The following TFEC variants were observed in gnomAD, a reference collection of about 807,000 sequenced individuals.
TFEC encodes class E basic helix-loop-helix protein 34.
Under a neutral mutation model 41.6 loss-of-function variants are expected in TFEC, and 31 were observed. The observed-to-expected ratio is 0.74, with a 90% CI of 0.56 to 1.01. The LOEUF (loss-of-function observed/expected upper bound fraction) is 1.01. Among genes scored for constraint, TFEC ranks in the 50% least tolerant of loss-of-function variants. The probability of loss-of-function intolerance (pLI) is 0.00; values close to 1 mark genes in which losing one functional copy is unlikely to be tolerated. For synonymous variants in TFEC, 143 were observed against 140.6 expected (o/e 1.02, Z -0.12); for missense variants, 402 against 404.1 (o/e 0.99, Z 0.04).
chr7:115,984,645 A>G, intron 1 of TFEC, 132 bp from the exon 2 acceptor site: 3 of 1,081,804 alleles, frequency 2.8e-6, no homozygotes, highest in Non-Finnish European at 3.8e-6. Flanking sequence ...TCTATCGTCC[A>G]TACTTCTGTC....
intron 1 of TFEC, among the ~76,000 whole-genome samples, chr7:116,142,204 T>G (rs1798554791): frequency 6.6e-6 from 1 of 152,152 alleles, no homozygotes; most frequent in South Asian, 2.1e-4. Context: ...CCCAAGGGGT[T>G]CTCCATTTTC....
intron 3 of TFEC, among the ~76,000 whole-genome samples, chr7:116,089,870 T>A (rs1233098742): frequency 1.3e-5 from 2 of 152,140 alleles, no homozygotes; most frequent in Non-Finnish European, 2.9e-5. Context: ...CAACTTTTTT[T>A]CTCTGTCCAT....
chr7:115,995,527 G>A (rs1182440943), intron 1 of TFEC, among the ~76,000 whole-genome samples: 1 of 152,102 alleles, frequency 6.6e-6, no homozygotes, highest in Non-Finnish European at 1.5e-5. Context: ...CAGAGGAGAT[G>A]GGGAAGATGG....
At chr7:116,151,530 A>T (rs1314944275) in intron 1 of TFEC, among the ~76,000 whole-genome samples, 14 of 152,152 alleles carry the variant, frequency 9.2e-5, no homozygotes, top group Admixed American at 9.2e-4. Context: ...GGCATGAGCC[A>T]CTGTGCCCAG....
chr7:115,935,195 T>C lies in TFEC; in HGVS notation c.*5356A>G, dbSNP rs1471085999. 6.6e-6 allele frequency: 1 copy of C among 151,866 alleles called. No individual in the cohort carries two copies. The highest frequency in any genetic ancestry group is 2.4e-5 in the African/African-American group (1 of 41,408). The allele number at this position is 151,866 out of a possible 1,614,324, so 9.4% of individuals were successfully genotyped here. On this transcript the variant is annotated 3_prime_UTR_variant, in exon 8 of 8. Coordinates refer to ENST00000265440, the MANE Select transcript of TFEC (RefSeq NM_012252.4). ...TCATTTAATATATGCAAAGAAAATA[T>C]TGGTACATTTTAAGGTATTTTTACA...
chr7:116,007,345 ACT>A (rs1477173350), intron 1 of TFEC, among the ~76,000 whole-genome samples: 1 of 152,140 alleles, frequency 6.6e-6, no homozygotes, highest in African/African-American at 2.4e-5. Context: ...AGAGGGTTCA[ACT>A]CTACAAATCA....
intron 1 of TFEC, among the ~76,000 whole-genome samples, chr7:116,138,122 T>G (rs1562983414): frequency 6.6e-6 from 1 of 152,132 alleles, no homozygotes; most frequent in Non-Finnish European, 1.5e-5. Context: ...TAATGAGATA[T>G]TTTCCATCAT....
At chr7:115,968,442 C>A (rs1272516291) in intron 3 of TFEC, 3 of 615,792 alleles carry the variant, frequency 4.9e-6, no homozygotes, top group Admixed American at 7.1e-5. Flanking sequence ...AATATTTACT[C>A]ATTCCTCGTC....
At chr7:116,019,886 A>C (rs898840691) in intron 1 of TFEC, among the ~76,000 whole-genome samples, 1 of 152,216 alleles carries the variant, frequency 6.6e-6, no homozygotes, top group African/African-American at 2.4e-5. Context: ...TTGTGTGCTA[A>C]CTTCAATAAC....
At chr7:116,114,521 A>T (rs891418983) in intron 1 of TFEC, among the ~76,000 whole-genome samples, 2 of 152,048 alleles carry the variant, frequency 1.3e-5, no homozygotes, top group African/African-American at 4.8e-5. Context: ...TCCTCTGTAC[A>T]TTTGAGAGAT....
At chr7:116,050,624 A>G (rs1224094957) in intron 3 of TFEC, among the ~76,000 whole-genome samples, 2 of 152,312 alleles carry the variant, frequency 1.3e-5, no homozygotes, top group Non-Finnish European at 2.9e-5. Context: ...GTAGAATGGC[A>G]ATCATTAAAA....
intron 1 of TFEC, among the ~76,000 whole-genome samples, chr7:116,122,154 G>T (rs755970146): frequency 3.9e-5 from 6 of 151,998 alleles, no homozygotes; most frequent in Non-Finnish European, 5.9e-5. Flanking sequence ...CATTAAAAAA[G>T]TGTTTGGATA....
At chr7:115,983,651 T>C (rs999894999) in intron 2 of TFEC, among the ~76,000 whole-genome samples, 2 of 152,192 alleles carry the variant, frequency 1.3e-5, no homozygotes, top group African/African-American at 4.8e-5. Context: ...TGAAGGTTCA[T>C]TACAAGCAAG....
At chr7:115,976,945 T>C (rs1793409865) in intron 2 of TFEC, among the ~76,000 whole-genome samples, 1 of 152,190 alleles carries the variant, frequency 6.6e-6, no homozygotes, top group South Asian at 2.1e-4. Flanking sequence ...AAACTTTTCT[T>C]TGTTACATGA....
chr7:116,025,499 C>G (rs1192720897), intron 1 of TFEC, among the ~76,000 whole-genome samples: 2 of 152,160 alleles, frequency 1.3e-5, no homozygotes, highest in Non-Finnish European at 1.5e-5. Context: ...GATTTAAGCA[C>G]CACCAGACAC....
intron 3 of TFEC, chr7:116,110,689 T>C (rs769644571): frequency 5.1e-6 from 7 of 1,381,738 alleles, no homozygotes; most frequent in South Asian, 1.9e-5. Context: ...TACGGCTGTA[T>C]ATGTATACAG....
chr7:116,095,100 G>T (rs770024729), intron 3 of TFEC, among the ~76,000 whole-genome samples: 2 of 152,084 alleles, frequency 1.3e-5, no homozygotes, highest in Non-Finnish European at 2.9e-5. Flanking sequence ...CATTAAAATG[G>T]TATCCAAGAT....
At chr7:116,076,373 AC>A (rs1488734281) in intron 3 of TFEC, among the ~76,000 whole-genome samples, 5 of 151,726 alleles carry the variant, frequency 3.3e-5, no homozygotes, top group Non-Finnish European at 7.4e-5. Context: ...TTTCTTTAAC[AC>A]CCCCAAAAGA....
At chr7:116,149,499 AT>A (rs1295586398) in intron 1 of TFEC, among the ~76,000 whole-genome samples, 1 of 152,188 alleles carries the variant, frequency 6.6e-6, no homozygotes, top group Non-Finnish European at 1.5e-5. Flanking sequence ...GGCTTCTATA[AT>A]TTTATAAGGA....
Sources: gnomAD v4.1 joint callset for allele counts (sites outside exome capture counted in the v4.1 genomes callset) on GRCh38, gnomAD v4.1.1 for gene constraint, MANE v1.5 for transcripts, NCBI Gene and HGNC (gene_info 2026-07-23, HGNC 2026-07-21) for gene names.